Variants in C16orf96 observed in about 807,000 individuals in gnomAD.
C16orf96 encodes chromosome 16 open reading frame 96.
C16orf96 carries 108 observed loss-of-function variants against 103.6 expected under a neutral mutation model. The ratio of observed to expected loss-of-function variants is 1.04; its 90% CI spans 0.89 to 1.22. The LOEUF (loss-of-function observed/expected upper bound fraction) is 1.22, where lower values mean the gene tolerates loss of function less well. Among genes scored for constraint, C16orf96 ranks in the 50% most tolerant of loss-of-function variants. C16orf96 has a pLI of 0.00. For synonymous variants in C16orf96, 566 were observed against 593.5 expected, an observed-to-expected ratio of 0.95 and a Z score of 0.67; for missense variants, 1,586 against 1,464.2, an observed-to-expected ratio of 1.08 and a Z score of -1.36.
intron 14 of C16orf96, among the ~76,000 whole-genome samples, chr16:4,595,472 C>T (rs536583387): frequency 7.9e-5 from 12 of 152,300 alleles, no homozygotes; most frequent in East Asian, 1.9e-4. Flanking sequence ...CGGCTCTGGC[C>T]GGCTCCTGCT....
intron 10 of C16orf96, among the ~76,000 whole-genome samples, 195 bp downstream of exon 10, chr16:4,591,979 A>G (rs1348659947): frequency 1.3e-5 from 2 of 152,232 alleles, no homozygotes; most frequent in African/African-American, 4.8e-5. Flanking sequence ...ATTCCTGCCA[A>G]TGGGGAAACC....
the C16orf96 span, among the ~76,000 whole-genome samples, chr16:4,540,708 C>T: frequency 6.6e-6 from 1 of 151,810 alleles, no homozygotes; most frequent in Non-Finnish European, 1.5e-5. Context: ...GCCTGGGAGA[C>T]AGAGCAAAAC....
chr16:4,572,801 C>G (rs1437565821), intron 2 of C16orf96, among the ~76,000 whole-genome samples: 1 of 152,180 alleles, frequency 6.6e-6, no homozygotes, highest in Non-Finnish European at 1.5e-5. Context: ...TTCTGTACTT[C>G]TGTAGCCAAA....
At chr16:4,554,357 C>CT (rs879445516), upstream of C16orf96, among the ~76,000 whole-genome samples, 369 of 145,774 alleles carry the variant, frequency 2.5e-3, 1 homozygote, top group African/African-American at 7.4e-3. Context: ...TTTTCTTTTT[C>CT]TTTTTTTTTT....
At chr16:4,579,955 T>C in intron 6 of C16orf96, 60 bp from the exon 7 acceptor site, 1 of 1,431,016 alleles carries the variant, frequency 7.0e-7, no homozygotes, top group Non-Finnish European at 9.6e-7. Context: ...CTCAGGCCCC[T>C]TCCCGGCCAT....
Position 4,593,327 on chromosome 16 carries a change from T to C in C16orf96, c.2867+11T>C. 1 of 1,549,666 alleles carries C rather than the reference T, an allele frequency of 6.5e-7. No individual in the cohort carries two copies. The highest frequency in any genetic ancestry group is 8.7e-7 in the Non-Finnish European group (1 of 1,146,488). On this transcript the variant is annotated intron_variant, in intron 12 of 15. Transcript: ENST00000444310. This position sits in a 1 kb window ranked among gnomAD's most constrained non-coding sequence, Gnocchi z 4.2. ...GCGGCAACAGATGAGGTGAGCAGGA[T>C]GGGCGCCCCGCAGGGAGGCCGCCCC...
At chr16:4,572,083 C>T (rs961799583) in intron 2 of C16orf96, among the ~76,000 whole-genome samples, 12 of 151,236 alleles carry the variant, frequency 7.9e-5, no homozygotes, top group Non-Finnish European at 1.5e-4. Context: ...CTTCTGACCT[C>T]GTGATCCACC....
intron 5 of C16orf96, 45 bp downstream of exon 5, chr16:4,576,680 C>G: frequency 1.3e-6 from 2 of 1,489,812 alleles, no homozygotes; most frequent in South Asian, 1.3e-5. Context: ...GAGTGGGGCT[C>G]TCCCTGCAGC....
At chr16:4,594,663 G>C (rs1043196042) in intron 13 of C16orf96, 41 bp from the exon 14 acceptor site, 19 of 1,548,530 alleles carry the variant, frequency 1.2e-5, no homozygotes, top group Non-Finnish European at 1.7e-5. Flanking sequence ...GGGCAGATCG[G>C]GTCGGGGGCT....
chr16:4,580,310 A>ACCCACC (rs2059568485), intron 7 of C16orf96, among the ~76,000 whole-genome samples, 185 bp downstream of exon 7: 1 of 104,506 alleles, frequency 9.6e-6, no homozygotes, highest in Non-Finnish European at 2.0e-5. Context: ...GAATCCCACC[A>ACCCACC]CCCCCCCCCA....
At chr16:4,595,567 C>T (rs1897153035) in intron 14 of C16orf96, among the ~76,000 whole-genome samples, 1 of 152,190 alleles carries the variant, frequency 6.6e-6, no homozygotes, top group Non-Finnish European at 1.5e-5. Flanking sequence ...AGGCTCTTCC[C>T]CCTTGGGGAT....
upstream of C16orf96, among the ~76,000 whole-genome samples, chr16:4,553,580 C>T (rs1271939974): frequency 9.9e-5 from 15 of 152,118 alleles, no homozygotes; most frequent in South Asian, 1.5e-3. Flanking sequence ...TGGGCTCAAG[C>T]GATCTGCCTG....
At position 4,585,455 on chromosome 16, in the gene C16orf96, T is replaced by G. The variant is rs1596533248; in HGVS notation, c.2353-1584T>G. 2.6e-5 allele frequency among the ~76,000 whole-genome samples: 4 copies of G among 151,882 alleles called. No homozygotes were observed. In the East Asian group the frequency reaches 7.7e-4, roughly 29 times the overall value. On this transcript the variant is annotated intron_variant, in intron 7 of 15. Transcript: ENST00000444310. ...CTGAGTGACAGAGCAAGAGCCTGCCTCAAAAAATTAAAATAAAAAAATTAA... is the reference window on the plus strand; with the variant it reads ...CTGAGTGACAGAGCAAGAGCCTGCCGCAAAAAATTAAAATAAAAAAATTAA...
chr16:4,580,211 A>T, intron 7 of C16orf96, 86 bp downstream of exon 7: 1 of 1,067,628 alleles, frequency 9.4e-7, no homozygotes, highest in Non-Finnish European at 1.3e-6. Flanking sequence ...AAGGTTCTGC[A>T]TGAGGTGGGG....
chr16:4,579,034 C>G lies in C16orf96; in HGVS notation c.2241+9C>G. 1 of 1,550,890 alleles carries G rather than the reference C, an allele frequency of 6.4e-7. No homozygotes were observed. Among genetic ancestry groups the G allele is most frequent in the Non-Finnish European group, 8.7e-7 (1 of 1,146,418 alleles). ...AGAAATCTAGGCTCAAGGTTAGTGT[C>G]TCCGGCGAAGGGCTTTTGAGGCAGT... On this transcript the variant is annotated intron_variant, in intron 6 of 15. Transcript: ENST00000444310.
At chr16:4,568,874 C>A (rs922457048) in intron 1 of C16orf96, among the ~76,000 whole-genome samples, 1 of 151,654 alleles carries the variant, frequency 6.6e-6, no homozygotes, top group Non-Finnish European at 1.5e-5. Context: ...AAGTGATCCA[C>A]CTGCTTCAGC....
the C16orf96 span, among the ~76,000 whole-genome samples, chr16:4,540,570 T>C: frequency 6.6e-6 from 1 of 151,812 alleles, no homozygotes; most frequent in South Asian, 2.1e-4. Flanking sequence ...CCGTCTCTAC[T>C]AAAAATACAA....
chr16:4,557,601 A>G (rs755901420), intron 1 of C16orf96, among the ~76,000 whole-genome samples: 1 of 152,126 alleles, frequency 6.6e-6, no homozygotes. Flanking sequence ...TAGTTATACA[A>G]CCTCACTGAT....
In C16orf96 at chr16:4,588,701, CTTTTTTTTTTTTT is replaced by C. The variant is rs35941814; in HGVS notation, c.2592+382_2592+394del. ...GAGGGGAAGGAAGAAGCAGCAATGT[CTTTTTTTTTTTTT>C]TTTTTTTTTTTCATACAGGGCCTCA... On this transcript the variant is annotated intron_variant, in intron 9 of 15. Coordinates refer to ENST00000444310, the MANE Select transcript of C16orf96 (RefSeq NM_001145011.2). 5.0e-5 allele frequency among the ~76,000 whole-genome samples: 4 copies of C among 80,294 alleles called. 1 individual carries two copies. Among genetic ancestry groups the C allele is most frequent in the African/African-American group, 1.8e-4 (4 of 22,600 alleles). The allele number at this position is 80,294 out of a possible 152,430, so 52.7% of individuals were successfully genotyped here.
Sources: gnomAD v4.1 joint callset for allele counts (sites outside exome capture counted in the v4.1 genomes callset) on GRCh38, gnomAD v4.1.1 for gene constraint, Gnocchi (gnomAD v3.1) non-coding constraint, MANE v1.5 for transcripts, NCBI Gene and HGNC (gene_info 2026-07-23, HGNC 2026-07-21) for gene names.